Variants in ADGRL2 observed in about 807,000 individuals in gnomAD.
ADGRL2 encodes adhesion G protein-coupled receptor L2.
In ADGRL2, 44 loss-of-function variants were observed where a neutral mutation model predicts 157.4. That is an observed-to-expected ratio of 0.28 (90% CI 0.22 to 0.36). The LOEUF (loss-of-function observed/expected upper bound fraction) is 0.36. Among genes scored for constraint, ADGRL2 ranks in the 10% least tolerant of loss-of-function variants. The probability of loss-of-function intolerance (pLI) is 1.00; values close to 1 mark genes in which losing one functional copy is unlikely to be tolerated. For synonymous variants in ADGRL2, 585 were observed against 624.7 expected (o/e 0.94, Z 0.95); for missense variants, 1,510 against 1,768.9 (o/e 0.85, Z 2.63).
chr1:81,384,982 A>G (rs1557646885), intron 1 of ADGRL2, among the ~76,000 whole-genome samples: 1 of 152,130 alleles, frequency 6.6e-6, no homozygotes, highest in Non-Finnish European at 1.5e-5. Context: ...CCATTACCTA[A>G]TTGCCACCAT....
chr1:81,441,694 T>C (rs1461874112), intron 1 of ADGRL2, among the ~76,000 whole-genome samples: 1 of 152,102 alleles, frequency 6.6e-6, no homozygotes, highest in Non-Finnish European at 1.5e-5. Context: ...TGTGCCACCA[T>C]GCCCAGCTAA....
intron 1 of ADGRL2, among the ~76,000 whole-genome samples, chr1:81,394,883 ATTT>A (rs2076627449): frequency 7.6e-5 from 3 of 39,390 alleles, no homozygotes; most frequent in African/African-American, 2.0e-4. Context: ...TCTCTTTTTT[ATTT>A]ATTTATTTAT....
chr1:81,926,544 G>A (rs2095110860), intron 3 of ADGRL2, among the ~76,000 whole-genome samples: 1 of 152,008 alleles, frequency 6.6e-6, no homozygotes, highest in African/African-American at 2.4e-5. Flanking sequence ...AGTGCAAACT[G>A]CAGTAGGTTA....
chr1:81,974,823 A>G (rs1659709618), intron 17 of ADGRL2, among the ~76,000 whole-genome samples: 2 of 151,994 alleles, frequency 1.3e-5, no homozygotes, highest in Admixed American at 6.6e-5. Context: ...AATATGGGTG[A>G]TGTTTAGCTG....
At chr1:81,749,281 A>G (rs1424492606) in intron 1 of ADGRL2, among the ~76,000 whole-genome samples, 2 of 152,162 alleles carry the variant, frequency 1.3e-5, no homozygotes, top group African/African-American at 4.8e-5. Context: ...GAAAGAAAAA[A>G]AGCAAACAAA....
At chr1:81,482,581 A>T (rs941692513) in intron 2 of ADGRL2, among the ~76,000 whole-genome samples, 6 of 152,192 alleles carry the variant, frequency 3.9e-5, no homozygotes, top group African/African-American at 1.2e-4. Context: ...GAACTCACTG[A>T]GTATTTTACT....
At chr1:81,366,892 C>G (rs1243287282) in intron 1 of ADGRL2, among the ~76,000 whole-genome samples, 1 of 152,188 alleles carries the variant, frequency 6.6e-6, no homozygotes, top group East Asian at 1.9e-4. Context: ...TTAAGCATTG[C>G]TGTATCCCCA....
intron 3 of ADGRL2, among the ~76,000 whole-genome samples, chr1:81,644,279 G>A (rs183886353): frequency 8.6e-4 from 131 of 152,216 alleles, no homozygotes; most frequent in African/African-American, 1.5e-3. Context: ...AGAAGATAAC[G>A]TAGGAGGAAA....
intron 3 of ADGRL2, among the ~76,000 whole-genome samples, chr1:81,598,834 A>T (rs975146238): frequency 2.0e-5 from 3 of 152,228 alleles, no homozygotes; most frequent in African/African-American, 7.2e-5. Context: ...ATAAACCAGA[A>T]TGGGGCTTTA....
At chr1:81,461,392 C>T (rs2077925581) in intron 2 of ADGRL2, among the ~76,000 whole-genome samples, 1 of 151,544 alleles carries the variant, frequency 6.6e-6, no homozygotes, top group Non-Finnish European at 1.5e-5. Flanking sequence ...AGAAGAGTGT[C>T]CTTTTTAGCT....
upstream of ADGRL2, among the ~76,000 whole-genome samples, chr1:81,797,340 C>A (rs545148696): frequency 2.4e-4 from 37 of 152,036 alleles, no homozygotes; most frequent in Admixed American, 5.2e-4. Context: ...TAGAGTTTCA[C>A]AAACTCTAAT....
intron 1 of ADGRL2, among the ~76,000 whole-genome samples, chr1:81,716,630 G>C (rs1445382655): frequency 1.3e-5 from 2 of 152,008 alleles, no homozygotes; most frequent in African/African-American, 2.4e-5. Context: ...ATTTGTCAGG[G>C]TCATATAAAA....
At chr1:81,697,174 T>C (rs1283706883), upstream of ADGRL2, among the ~76,000 whole-genome samples, 1 of 151,776 alleles carries the variant, frequency 6.6e-6, no homozygotes, top group Non-Finnish European at 1.5e-5. Context: ...GCCTTAGGGG[T>C]TCAAATTGAA....
intron 1 of ADGRL2, among the ~76,000 whole-genome samples, chr1:81,350,974 C>A (rs1459931941): frequency 6.6e-6 from 1 of 152,042 alleles, no homozygotes; most frequent in Non-Finnish European, 1.5e-5. Flanking sequence ...TGAATAAATG[C>A]AAACTTACAG....
At chr1:81,792,080 G>A (rs1209452597) in intron 2 of ADGRL2, among the ~76,000 whole-genome samples, 4 of 152,166 alleles carry the variant, frequency 2.6e-5, no homozygotes, top group Non-Finnish European at 5.9e-5. Flanking sequence ...GAGGGAGTAT[G>A]TTTACCATTC....
intron 1 of ADGRL2, chr1:81,427,245 G>A (rs2077234423): frequency 2.6e-6 from 2 of 760,072 alleles, no homozygotes; most frequent in Admixed American, 1.7e-5. Context: ...GGAGGTGGTG[G>A]CAGCGGAAAT....
intron 2 of ADGRL2, among the ~76,000 whole-genome samples, chr1:81,793,561 T>C (rs1432725342): frequency 1.3e-5 from 2 of 152,062 alleles, no homozygotes; most frequent in African/African-American, 4.8e-5. Flanking sequence ...AAAGACAGAC[T>C]TCCCTCAGTA....
chr1:81,390,468 A>T (rs551010807), intron 1 of ADGRL2, among the ~76,000 whole-genome samples: 922 of 152,080 alleles, frequency 6.1e-3, no homozygotes, highest in South Asian at 0.045. Flanking sequence ...GATGTAATAC[A>T]TGTATAGATA....
At chr1:81,574,418 G>A (rs2080756855) in intron 2 of ADGRL2, among the ~76,000 whole-genome samples, 1 of 152,022 alleles carries the variant, frequency 6.6e-6, no homozygotes, top group Admixed American at 6.6e-5. Context: ...ATTATAATTG[G>A]GCATCATGGA....
Sources: gnomAD v4.1 joint callset for allele counts (sites outside exome capture counted in the v4.1 genomes callset) on GRCh38, gnomAD v4.1.1 for gene constraint, MANE v1.5 for transcripts, NCBI Gene and HGNC (gene_info 2026-07-23, HGNC 2026-07-21) for gene names.